Variants in MDFIC2 observed in about 807,000 individuals in gnomAD.
The protein encoded by MDFIC2 is myoD family inhibitor domain-containing protein 2.
At chr3:70,210,596 G>A (rs1445370399) in intron 2 of MDFIC2, among the ~76,000 whole-genome samples, 1 of 152,044 alleles carries the variant, frequency 6.6e-6, no homozygotes, top group African/African-American at 2.4e-5. Context: ...GCTCAAAGTA[G>A]AAACATAAAA....
intron 2 of MDFIC2, among the ~76,000 whole-genome samples, chr3:70,262,407 T>C (rs1701875191): frequency 6.6e-6 from 1 of 152,152 alleles, no homozygotes; most frequent in African/African-American, 2.4e-5. Flanking sequence ...TCAGTGTTCT[T>C]TAAAAGATGC....
At chr3:70,218,475 T>C (rs1262877682) in intron 2 of MDFIC2, among the ~76,000 whole-genome samples, 1 of 152,122 alleles carries the variant, frequency 6.6e-6, no homozygotes, top group Non-Finnish European at 1.5e-5. Flanking sequence ...TACATCCCTC[T>C]TTTACTAAAA....
chr3:70,276,770 G>A (rs1282116160), intron 2 of MDFIC2, among the ~76,000 whole-genome samples: 1 of 152,148 alleles, frequency 6.6e-6, no homozygotes, highest in Non-Finnish European at 1.5e-5. Flanking sequence ...TGGCAGAATT[G>A]AATAGTTGTG....
At chr3:70,255,254 G>C (rs1005357358) in intron 2 of MDFIC2, among the ~76,000 whole-genome samples, 1 of 152,086 alleles carries the variant, frequency 6.6e-6, no homozygotes, top group Admixed American at 6.6e-5. Flanking sequence ...GTGGACCAAT[G>C]ACACATAAAT....
chr3:70,226,629 T>A (rs1265550521), intron 2 of MDFIC2, among the ~76,000 whole-genome samples: 1 of 151,194 alleles, frequency 6.6e-6, no homozygotes, highest in East Asian at 2.0e-4. Flanking sequence ...TCCCAGCTTC[T>A]CGGGAGGCTG....
In MDFIC2 at chr3:70,308,339, G is replaced by A. The variant is rs959268529; in HGVS notation, c.88+3547C>T. ...CCAAAAGTGCTGAGATTATAGGCATGAGTCACTATGCTGAGCAATGCTGCA... is the reference window on the plus strand; with the variant it reads ...CCAAAAGTGCTGAGATTATAGGCATAAGTCACTATGCTGAGCAATGCTGCA... On this transcript the variant is annotated intron_variant, in intron 2 of 3. Transcript: ENST00000567252. Among the ~76,000 whole-genome samples the A allele has an allele frequency of 5.9e-5, 9 of 152,224 alleles. No homozygotes were observed. In the South Asian group the frequency reaches 6.2e-4, roughly 11 times the overall value.
intron 2 of MDFIC2, among the ~76,000 whole-genome samples, chr3:70,219,063 A>T (rs990950582): frequency 6.6e-6 from 1 of 152,198 alleles, no homozygotes; most frequent in Non-Finnish European, 1.5e-5. Context: ...GTTTAAAAAA[A>T]TTATTTCTAA....
chr3:70,219,077 C>A (rs1701439360), intron 2 of MDFIC2, among the ~76,000 whole-genome samples: 1 of 152,096 alleles, frequency 6.6e-6, no homozygotes, highest in Admixed American at 6.6e-5. Flanking sequence ...TTTCTAAACA[C>A]CAAATAGTCA....
chr3:70,230,141 A>G (rs953172880), intron 2 of MDFIC2, among the ~76,000 whole-genome samples: 1 of 152,220 alleles, frequency 6.6e-6, no homozygotes, highest in Non-Finnish European at 1.5e-5. Flanking sequence ...GGTCAGGCCG[A>G]AATTGAAATC....
intron 2 of MDFIC2, among the ~76,000 whole-genome samples, chr3:70,307,928 C>G (rs982559083): frequency 3.9e-5 from 6 of 152,216 alleles, no homozygotes; most frequent in African/African-American, 1.2e-4. Context: ...GCCTCTGATG[C>G]CTTTGCTCCC....
intron 2 of MDFIC2, among the ~76,000 whole-genome samples, chr3:70,241,491 A>G (rs1462367145): frequency 3.3e-5 from 5 of 152,210 alleles, no homozygotes; most frequent in African/African-American, 4.8e-5. Flanking sequence ...AATGGGAGGT[A>G]TGGTAGGAAT....
intron 2 of MDFIC2, among the ~76,000 whole-genome samples, chr3:70,266,769 T>C (rs1463196302): frequency 6.6e-6 from 1 of 152,134 alleles, no homozygotes; most frequent in Non-Finnish European, 1.5e-5. Flanking sequence ...TAAAATATAT[T>C]TCTATAGTAT....
intron 3 of MDFIC2, chr3:70,205,640 A>C (rs1033800861): frequency 3.3e-5 from 5 of 152,146 alleles, no homozygotes; most frequent in Non-Finnish European, 2.9e-5. Context: ...AAATTTAAAA[A>C]ACGTGTCCAG....
chr3:70,286,133 C>T (rs1702160560), intron 2 of MDFIC2, among the ~76,000 whole-genome samples: 1 of 152,208 alleles, frequency 6.6e-6, no homozygotes, highest in Non-Finnish European at 1.5e-5. Context: ...AGTCCTTGCC[C>T]ATGCCTATGT....
chr3:70,236,208 C>T (rs1042308766), intron 2 of MDFIC2, among the ~76,000 whole-genome samples: 5 of 152,162 alleles, frequency 3.3e-5, no homozygotes, highest in African/African-American at 9.7e-5. Flanking sequence ...GACTTGGCCC[C>T]TTGTGATCTA....
chr3:70,276,609 C>G (rs1261895349), intron 2 of MDFIC2, among the ~76,000 whole-genome samples: 1 of 152,126 alleles, frequency 6.6e-6, no homozygotes, highest in Non-Finnish European at 1.5e-5. Flanking sequence ...GTGTATTTAC[C>G]TTTGTTTACC....
chr3:70,266,803 G>A (rs989309100), intron 2 of MDFIC2, among the ~76,000 whole-genome samples: 1 of 152,090 alleles, frequency 6.6e-6, no homozygotes, highest in African/African-American at 2.4e-5. Flanking sequence ...CAGCTTCAAA[G>A]CAAATTAGTA....
intron 2 of MDFIC2, among the ~76,000 whole-genome samples, chr3:70,288,770 T>C (rs1397751109): frequency 6.6e-6 from 1 of 151,974 alleles, no homozygotes; most frequent in South Asian, 2.1e-4. Context: ...ATATTTAGGA[T>C]AGTTAGCTCT....
At chr3:70,268,978 C>T (rs563290354) in intron 2 of MDFIC2, among the ~76,000 whole-genome samples, 2 of 152,072 alleles carry the variant, frequency 1.3e-5, no homozygotes, top group South Asian at 4.2e-4. Flanking sequence ...AAAATCTTAA[C>T]CTTCTTGTAT....
Sources: gnomAD v4.1 joint callset for allele counts (sites outside exome capture counted in the v4.1 genomes callset) on GRCh38, gnomAD v4.1.1 for gene constraint, MANE v1.5 for transcripts, NCBI Gene and HGNC (gene_info 2026-07-23, HGNC 2026-07-21) for gene names.